Variants in IFT46 observed in about 807,000 individuals in gnomAD.
IFT46 encodes the protein intraflagellar transport 46.
A neutral mutation model predicts 39.6 loss-of-function variants in IFT46; 19 were observed. That is an observed-to-expected ratio of 0.48 (90% CI 0.33 to 0.70). The LOEUF is 0.70. Among genes scored for constraint, IFT46 ranks in the 30% least tolerant of loss-of-function variants. The pLI, the probability that IFT46 is intolerant of heterozygous loss-of-function variation, is 0.01. For synonymous variants in IFT46, 117 were observed against 134.8 expected (o/e 0.87, Z 0.91); for missense variants, 334 against 364.8 (o/e 0.92, Z 0.69).
chr11:118,545,961 G>A lies in IFT46; in HGVS notation c.673-108C>T, dbSNP rs945424762. ...CTTCTAGCATAAGACACAGGTTATG[G>A]GCTGAAATGTGTTCCCCTAAAATTC... On this transcript the variant is annotated intron_variant, in intron 9 of 11. Coordinates refer to ENST00000264021, the MANE Select transcript of IFT46 (RefSeq NM_001168618.2). The A allele has an allele frequency of 5.5e-6, 5 of 906,994 alleles. No homozygotes were observed. In the African/African-American group the frequency reaches 8.2e-5, roughly 15 times the overall value. 56.2% of individuals were successfully genotyped at this position (906,994 alleles called of 1,614,324 possible).
chr11:118,545,938 T>C (rs1351679597), intron 9 of IFT46, 85 bp from the exon 10 acceptor site: 2 of 1,199,964 alleles, frequency 1.7e-6, no homozygotes, highest in Non-Finnish European at 2.5e-6. Flanking sequence ...CAAAAGAGCT[T>C]CTAGCATAAG....
At position 118,544,971 on chromosome 11, in the gene IFT46, G is replaced by A. The variant is rs1484802619; in HGVS notation, c.860C>T (p.Pro287Leu). The A allele has an allele frequency of 1.2e-5, 19 of 1,613,688 alleles. No individual in the cohort carries two copies. The East Asian group carries it at 4.2e-4, about 36-fold the overall frequency. The change falls in exon 12 of 12, where the codon CCT (proline) becomes CTT (leucine). Residue 287 changes from proline (P) to leucine (L), a missense_variant. Pro to Leu is a moderately conservative substitution (Grantham distance 98). Transcript: ENST00000264021. ...AGCTTGGGAGGTGGAATTGGATGAAGGAGTGAATGCTTTCTTGCCTTCAGC... is the reference window on the plus strand; with the variant it reads ...AGCTTGGGAGGTGGAATTGGATGAAAGAGTGAATGCTTTCTTGCCTTCAGC... ...ALAEGKKAFT[P>L]SSNSTSQAGD...
chr11:118,568,633 A>T (rs1555071899), upstream of IFT46, among the ~76,000 whole-genome samples: 1 of 152,088 alleles, frequency 6.6e-6, no homozygotes, highest in Non-Finnish European at 1.5e-5. Flanking sequence ...AGGACATTTC[A>T]TCATCCCCTA....
At chr11:118,572,872 G>A in exon 1 of IFT46, 1 of 379,142 alleles carries the variant, frequency 2.6e-6, no homozygotes. Flanking sequence ...GCGGGTCCCA[G>A]GCTGCGGACC....
chr11:118,547,744 C>CTTT lies in IFT46; in HGVS notation c.673-1894_673-1892dup, dbSNP rs1233612951. 5.5e-5 allele frequency among the ~76,000 whole-genome samples: 5 copies of CTTT among 91,170 alleles called. No homozygotes were observed. The South Asian group carries it at 1.7e-3, about 30-fold the overall frequency. The allele number at this position is 91,170 out of a possible 152,430, so 59.8% of individuals were successfully genotyped here. On this transcript the variant is annotated intron_variant, in intron 9 of 11. Coordinates refer to ENST00000264021, the MANE Select transcript of IFT46 (RefSeq NM_001168618.2). ...GCTCCTTTTACTTTTCTTTTCTTTT[C>CTTT]TTTTTTTTTTTTTTTTTTTTGAGAC...
At chr11:118,568,442 C>T (rs1938273192), upstream of IFT46, among the ~76,000 whole-genome samples, 4 of 152,098 alleles carry the variant, frequency 2.6e-5, no homozygotes, top group South Asian at 8.3e-4. Flanking sequence ...ATCCTAGCTA[C>T]TCAGGAGGCT....
chr11:118,550,826 A>G (rs568059425), intron 9 of IFT46, among the ~76,000 whole-genome samples: 1 of 152,128 alleles, frequency 6.6e-6, no homozygotes, highest in South Asian at 2.1e-4. Flanking sequence ...CAGGAGTTCA[A>G]GACCAGCCTG....
rs527340652 is a variant in IFT46, at chr11:118,544,577, G to A, written c.*339C>T. On this transcript the variant is annotated 3_prime_UTR_variant, in exon 12 of 12. Transcript: ENST00000264021. ...TAAAATCTTTACTCACTAACTTTACGAATGAAAGAAAACAATTCCATCCCT... is the reference window on the plus strand; with the variant it reads ...TAAAATCTTTACTCACTAACTTTACAAATGAAAGAAAACAATTCCATCCCT... 1.3e-4 allele frequency: 33 copies of A among 245,214 alleles called. 1 individual carries two copies. The highest frequency in any genetic ancestry group is 7.2e-4 in the African/African-American group (32 of 44,548). The allele number at this position is 245,214 out of a possible 1,614,324, so 15.2% of individuals were successfully genotyped here. A position where few individuals can be genotyped will look rare whatever the true frequency, so the allele number is the denominator to read the frequency against.
At chr11:118,548,977 C>T (rs1951759511) in intron 9 of IFT46, among the ~76,000 whole-genome samples, 1 of 150,910 alleles carries the variant, frequency 6.6e-6, no homozygotes, top group Non-Finnish European at 1.5e-5. Context: ...ACTGCAACAT[C>T]TGCACCCCTC....
At chr11:118,560,921 T>C in intron 2 of IFT46, 1 of 986,544 alleles carries the variant, frequency 1.0e-6, no homozygotes, top group Non-Finnish European at 1.6e-6. Flanking sequence ...CTGCGCAGCA[T>C]ATGCACACAA....
chr11:118,576,426 TAAAAAAAA>T (rs10671866), upstream of IFT46, among the ~76,000 whole-genome samples: 1,165 of 108,796 alleles, frequency 0.011, 21 homozygotes, highest in African/African-American at 0.038. Flanking sequence ...CCAAAAATGT[TAAAAAAAA>T]AAAAAAAAAA....
At chr11:118,546,018 G>C in intron 9 of IFT46, 165 bp from the exon 10 acceptor site, 1 of 713,874 alleles carries the variant, frequency 1.4e-6, no homozygotes, top group Non-Finnish European at 2.6e-6. Flanking sequence ...CTGTACTTCA[G>C]AATGTGACTA....
At chr11:118,572,877 C>T (rs193203648) in exon 1 of IFT46, 51 of 364,668 alleles carry the variant, frequency 1.4e-4, no homozygotes, top group Non-Finnish European at 2.2e-4. Context: ...TCCCAGGCTG[C>T]GGACCTCGGA....
At chr11:118,552,741 T>C (rs1937686004) in intron 7 of IFT46, among the ~76,000 whole-genome samples, 1 of 151,024 alleles carries the variant, frequency 6.6e-6, no homozygotes, top group Non-Finnish European at 1.5e-5. Context: ...TGCAGTGAGC[T>C]ACGACTGTGC....
chr11:118,572,264 C>G (rs1330137657), intron 1 of IFT46: 1 of 456,800 alleles, frequency 2.2e-6, no homozygotes, highest in African/African-American at 2.0e-5. Flanking sequence ...GGTTCCACAG[C>G]TGGAGGGTGA....
chr11:118,551,681 A>G, intron 9 of IFT46, 105 bp downstream of exon 9: 2 of 853,200 alleles, frequency 2.3e-6, no homozygotes, highest in Non-Finnish European at 1.8e-6. Flanking sequence ...AAAAAAAAAA[A>G]AAAAAAAAAG....
upstream of IFT46, among the ~76,000 whole-genome samples, chr11:118,575,974 G>GTT (rs150069695): frequency 8.4e-5 from 12 of 143,322 alleles, no homozygotes; most frequent in African/African-American, 3.0e-4. Context: ...CACTGTAGTT[G>GTT]TTTTTTTTTT....
upstream of IFT46, chr11:118,573,764 A>G (rs1396165673): frequency 3.1e-6 from 2 of 644,238 alleles, no homozygotes; most frequent in Non-Finnish European, 5.7e-6. Flanking sequence ...AGGCCACTGA[A>G]CAGCTTTTCT....
intron 3 of IFT46, 148 bp from the exon 4 acceptor site, chr11:118,557,193 AG>A: frequency 1.6e-6 from 1 of 639,614 alleles, no homozygotes; most frequent in Non-Finnish European, 2.4e-6. Context: ...AAGGGGCTTG[AG>A]AGCCTTCTTC....
Sources: allele counts gnomAD v4.1 joint callset (sites outside exome capture counted in the v4.1 genomes callset), GRCh38; gene constraint gnomAD v4.1.1; transcripts MANE v1.5; gene names NCBI Gene and HGNC (gene_info 2026-07-23, HGNC 2026-07-21).